The following MAPK12 variants were observed in gnomAD, a reference collection of about 807,000 sequenced individuals.
The protein encoded by MAPK12 is mitogen-activated protein kinase 12, also known as MAP kinase 12.
MAPK12 carries 49 observed loss-of-function variants against 49.1 expected under a neutral mutation model. The observed-to-expected ratio is 1.00, with a 90% CI of 0.79 to 1.27. The LOEUF is 1.27. Among genes scored for constraint, MAPK12 ranks in the 50% most tolerant of loss-of-function variants. The probability of loss-of-function intolerance (pLI) is 0.00; values close to 1 mark genes in which losing one functional copy is unlikely to be tolerated. For synonymous variants in MAPK12, 251 were observed against 209.7 expected (o/e 1.20, Z -1.70); for missense variants, 554 against 502.4 (o/e 1.10, Z -0.98).
chr22:50,261,451 G>A lies in MAPK12; in HGVS notation c.59C>T (p.Ala20Val). Residue 20 changes from alanine (A) to valine (V), a missense_variant, in exon 1 of 12, where the codon GCC becomes GTC. Transcript: ENST00000215659. Reference protein sequence around the residue: ...GFYRQEVTKTAWEVRAVYRDL... With the variant: ...GFYRQEVTKTVWEVRAVYRDL... ...CCGGTACACGGCGCGCACCTCCCAG[G>A]CCGTCTTGGTCACCTCCTGGCGGTA... The A allele has an allele frequency of 7.8e-7, 1 of 1,283,368 alleles. No homozygotes were observed. Among genetic ancestry groups the A allele is most frequent in the Middle Eastern group, 2.6e-4 (1 of 3,816 alleles). 79.5% of individuals were successfully genotyped at this position (1,283,368 alleles called of 1,614,324 possible).
chr22:50,259,674 G>A (rs2065189044), intron 2 of MAPK12, among the ~76,000 whole-genome samples: 2 of 152,154 alleles, frequency 1.3e-5, no homozygotes, highest in South Asian at 4.1e-4. Context: ...CTTGAGGTCA[G>A]GGGTTCGAGA....
At chr22:50,260,333 C>T (rs559781991) in intron 2 of MAPK12, among the ~76,000 whole-genome samples, 2 of 152,084 alleles carry the variant, frequency 1.3e-5, no homozygotes, top group Admixed American at 1.3e-4. Flanking sequence ...AGCATCTCAC[C>T]CTGTAGGTAG....
At position 50,255,189 on chromosome 22, in the gene MAPK12, C is replaced by A. The variant is rs749660654; in HGVS notation, c.1024+8G>T. The A allele has an allele frequency of 6.2e-7, 1 of 1,613,624 alleles. No individual in the cohort carries two copies. Among genetic ancestry groups the A allele is most frequent in the Non-Finnish European group, 8.5e-7 (1 of 1,179,954 alleles). On this transcript the variant is annotated splice_region_variant and intron_variant, in intron 11 of 11. Coordinates refer to ENST00000215659, the MANE Select transcript of MAPK12 (RefSeq NM_002969.6). ...CCACACAGGCCGTGCCAGGAGCCCC[C>A]CACTCACGCTTCCATTCATCCAGTG...
In MAPK12 at chr22:50,261,256, T is replaced by C; in HGVS notation, c.166A>G (p.Lys56Glu). The C allele has an allele frequency of 2.6e-6, 4 of 1,566,232 alleles. No homozygotes were observed. The highest frequency in any genetic ancestry group is 1.2e-5 in the South Asian group (1 of 85,070). ...DGRTGAKVAI[K>E]KLYRPFQSEL... is the part of the protein sequence containing the mutation. ...GACTGGAAAGGCCGATACAGCTTCT[T>C]GATGGCCACCTTAGCGCCGGTGCGG... Residue 56 changes from lysine to glutamate, a missense_variant, in exon 2 of 12, where the codon AAG (lysine) becomes GAG (glutamate). By Grantham distance (56) the Lys-to-Glu change is moderately conservative (BLOSUM62 1). Transcript: ENST00000215659.
At chr22:50,255,729 G>C (rs764069068) in intron 8 of MAPK12, 35 bp from the exon 9 acceptor site, 2 of 1,609,038 alleles carry the variant, frequency 1.2e-6, no homozygotes, top group Non-Finnish European at 1.7e-6. Context: ...TCGGGGGCCA[G>C]AGATCAGGGC....
At chr22:50,256,276 C>T (rs577540626) in intron 6 of MAPK12, 77 bp from the exon 7 acceptor site, 46 of 1,153,910 alleles carry the variant, frequency 4.0e-5, no homozygotes, top group East Asian at 1.5e-4. Flanking sequence ...CAGGAGACCC[C>T]GGGGGGTTGG....
rs112567753 is a variant in MAPK12 at position 50,256,138 on chromosome 22, C to T, written c.566G>A (p.Arg189Gln). The change falls in exon 7 of 12, where the codon CGG (arginine) becomes CAG (glutamine). Residue 189 changes from arginine (R) to glutamine (Q), a missense_variant. Coordinates refer to ENST00000215659, the MANE Select transcript of MAPK12 (RefSeq NM_002969.6). ...DSEMTGYVVT[R>Q]WYRAPEVILN... ...GATGACCTCGGGAGCCCGGTACCACCGGGTCACCACGTACCCAGTCATCTC... is the reference window on the plus strand; with the variant it reads ...GATGACCTCGGGAGCCCGGTACCACTGGGTCACCACGTACCCAGTCATCTC... 1.6e-4 allele frequency: 261 copies of T among 1,612,664 alleles called. 2 individuals carry two copies. Among genetic ancestry groups the T allele is most frequent in the South Asian group, 8.6e-4 (78 of 91,078 alleles).
chr22:50,256,009 C>T, intron 7 of MAPK12, 76 bp downstream of exon 7: 1 of 1,527,868 alleles, frequency 6.5e-7, no homozygotes, highest in Non-Finnish European at 9.0e-7. Flanking sequence ...GAGCAGCCAC[C>T]ACAGGGCTGT....
intron 2 of MAPK12, among the ~76,000 whole-genome samples, chr22:50,260,324 G>A (rs1181154157): frequency 6.6e-6 from 1 of 152,024 alleles, no homozygotes; most frequent in East Asian, 1.9e-4. Flanking sequence ...AGGGTCCAGA[G>A]CATCTCACCC....
At chr22:50,257,945 C>G (rs1257498011) in intron 3 of MAPK12, 1 of 771,900 alleles carries the variant, frequency 1.3e-6, no homozygotes, top group Admixed American at 1.7e-5. Flanking sequence ...ACGGGACCTT[C>G]CTGTTAACAA....
Position 50,253,485 on chromosome 22 carries a change from CGGGGGTGG to C in MAPK12, c.1025-13_1025-6del. 27 of 93,970 alleles carry C rather than the reference CGGGGGTGG, an allele frequency of 2.9e-4. No individual in the cohort carries two copies. Among genetic ancestry groups the C allele is most frequent in the Non-Finnish European group, 3.6e-4 (25 of 68,640 alleles). 5.8% of individuals were successfully genotyped at this position (93,970 alleles called of 1,614,324 possible). A position where few individuals can be genotyped will look rare whatever the true frequency, so the allele number is the denominator to read the frequency against. On this transcript the variant is annotated splice_region_variant and splice_polypyrimidine_tract_variant and intron_variant, in intron 11 of 11. Coordinates refer to ENST00000215659, the MANE Select transcript of MAPK12 (RefSeq NM_002969.6). ...GCACCTCTTTGTAAGTAACACCTGG[CGGGGGTGG>C]GGGGGCGGGCACAACAGAGAGGGGG...
At chr22:50,259,761 G>A (rs1246810967) in intron 2 of MAPK12, among the ~76,000 whole-genome samples, 1 of 152,006 alleles carries the variant, frequency 6.6e-6, no homozygotes, top group Non-Finnish European at 1.5e-5. Context: ...GCGCGCGCCT[G>A]TAATCCCAGC....
In MAPK12 at chr22:50,252,940, G is replaced by A. The variant is rs939912802; in HGVS notation, c.*461C>T. The A allele has an allele frequency of 5.5e-5, 13 of 234,694 alleles. No homozygotes were observed. Among genetic ancestry groups the A allele is most frequent in the Admixed American group, 1.6e-4 (3 of 19,298 alleles). The allele number at this position is 234,694 out of a possible 1,614,324, so 14.5% of individuals were successfully genotyped here. A position where few individuals can be genotyped will look rare whatever the true frequency, so the allele number is the denominator to read the frequency against. ...AGGGTCTATTTCCTTCCAGCCACGC[G>A]GGCACCACACAGCTGATTTACATTC... On this transcript the variant is annotated 3_prime_UTR_variant, in exon 12 of 12. Transcript: ENST00000215659.
At chr22:50,258,771 T>C (rs1359297269) in intron 2 of MAPK12, among the ~76,000 whole-genome samples, 1 of 152,132 alleles carries the variant, frequency 6.6e-6, no homozygotes. Flanking sequence ...GTTGGGGAGA[T>C]AGACAGTAGA....
chr22:50,254,935 TCTC>T, intron 11 of MAPK12: 1 of 1,364,714 alleles, frequency 7.3e-7, no homozygotes, highest in Admixed American at 3.0e-5. Flanking sequence ...CCAGAGGTCA[TCTC>T]CACCAGGCCA....
rs756261585 is a variant in MAPK12, at chr22:50,253,423, A to C, written c.1082T>G (p.Val361Gly). The change falls in exon 12 of 12, where the codon GTC becomes GGC. Residue 361 changes from valine to glycine, a missense_variant. Transcript: ENST00000215659. ...TCTTCACAGAGGCGTCTCCTTGGAG[A>C]CCCTGGCCCCCAGCTGCCGGGGAGG... ...FKPPRQLGARVSKETPL is the reference protein window; with the variant it reads ...FKPPRQLGARGSKETPL The C allele has an allele frequency of 6.5e-6, 9 of 1,377,118 alleles. No individual in the cohort carries two copies. Among genetic ancestry groups the C allele is most frequent in the Non-Finnish European group, 8.6e-6 (9 of 1,043,410 alleles). 85.3% of individuals were successfully genotyped at this position (1,377,118 alleles called of 1,614,324 possible).
chr22:50,254,780 G>A, intron 11 of MAPK12: 1 of 1,129,128 alleles, frequency 8.9e-7, no homozygotes, highest in Non-Finnish European at 1.1e-6. Flanking sequence ...CATGGCGGAA[G>A]GGCAGCAGGT....
chr22:50,254,952 G>A (rs769092739), intron 11 of MAPK12: 162 of 1,393,170 alleles, frequency 1.2e-4, no homozygotes, highest in East Asian at 1.4e-4. Context: ...CAGGCCACAC[G>A]GCCCCATGCT....
chr22:50,256,726 GA>G, intron 5 of MAPK12, 80 bp from the exon 6 acceptor site: 1 of 1,540,754 alleles, frequency 6.5e-7, no homozygotes. Context: ...GGCACCTAAA[GA>G]TGGGGCCACC....
Sources: allele counts gnomAD v4.1 joint callset (sites outside exome capture counted in the v4.1 genomes callset), GRCh38; gene constraint gnomAD v4.1.1; transcripts MANE v1.5; gene names NCBI Gene and HGNC (gene_info 2026-07-23, HGNC 2026-07-21).